Variants in SLC25A40 observed in about 807,000 individuals in gnomAD.
The protein encoded by SLC25A40 is mitochondrial glutathione transporter SLC25A40.
In SLC25A40, 41 loss-of-function variants were observed where a neutral mutation model predicts 46.5. The observed-to-expected ratio is 0.88, with a 90% CI of 0.69 to 1.14. The LOEUF (loss-of-function observed/expected upper bound fraction) is 1.14, where lower values mean the gene tolerates loss of function less well. Ranked by LOEUF, SLC25A40 falls within the 50% of genes most tolerant of loss-of-function variation. The pLI is 0.00. For synonymous variants in SLC25A40, 126 were observed against 127.5 expected (o/e 0.99, Z 0.08); for missense variants, 386 against 393.6 (o/e 0.98, Z 0.16).
At chr7:87,844,662 C>A (rs1351916059) in intron 8 of SLC25A40, among the ~76,000 whole-genome samples, 3 of 151,554 alleles carry the variant, frequency 2.0e-5, no homozygotes, top group Non-Finnish European at 2.9e-5. Flanking sequence ...TAAGACAAAG[C>A]AGAATTTATA....
chr7:87,843,728 T>C, intron 9 of SLC25A40, 26 bp downstream of exon 9: 1 of 1,511,560 alleles, frequency 6.6e-7, no homozygotes, highest in Non-Finnish European at 9.2e-7. Flanking sequence ...TCTTCTGGAA[T>C]ATTAACAACA....
intron 2 of SLC25A40, among the ~76,000 whole-genome samples, chr7:87,859,083 C>T (rs1838657714): frequency 6.6e-6 from 1 of 151,998 alleles, no homozygotes; most frequent in South Asian, 2.1e-4. Context: ...ATGAGAAAAG[C>T]AACATAAAAA....
chr7:87,841,803 A>T, intron 9 of SLC25A40, 89 bp from the exon 10 acceptor site: 1 of 672,312 alleles, frequency 1.5e-6, no homozygotes, highest in Non-Finnish European at 2.2e-6. Flanking sequence ...ATATTATTTA[A>T]GGATAATGAA....
chr7:87,868,635 AT>A (rs1838844371), intron 1 of SLC25A40, among the ~76,000 whole-genome samples: 1 of 152,196 alleles, frequency 6.6e-6, no homozygotes, highest in African/African-American at 2.4e-5. Flanking sequence ...TATAAATGAT[AT>A]CGCAAAGGGA....
At chr7:87,858,867 T>A in intron 2 of SLC25A40, 116 bp from the exon 3 acceptor site, 1 of 634,686 alleles carries the variant, frequency 1.6e-6, no homozygotes. Context: ...AAGAGAGAAT[T>A]AACCAAACAG....
At chr7:87,859,864 A>G (rs946602274) in intron 2 of SLC25A40, among the ~76,000 whole-genome samples, 2 of 152,124 alleles carry the variant, frequency 1.3e-5, no homozygotes, top group Admixed American at 1.3e-4. Flanking sequence ...CAATTACTGT[A>G]GGAAAGATAG....
chr7:87,871,834 C>A (rs368002256), intron 1 of SLC25A40, among the ~76,000 whole-genome samples: 1 of 152,164 alleles, frequency 6.6e-6, no homozygotes, highest in Non-Finnish European at 1.5e-5. Context: ...GCTATCCAGA[C>A]CTGGAGTTTT....
At chr7:87,874,297 A>C (rs549972147) in intron 1 of SLC25A40, among the ~76,000 whole-genome samples, 1 of 152,286 alleles carries the variant, frequency 6.6e-6, no homozygotes, top group African/African-American at 2.4e-5. Flanking sequence ...TTCATCTTTC[A>C]CAAGACCATA....
chr7:87,836,219 T>TA lies in SLC25A40; in HGVS notation c.*29dup. On this transcript the variant is annotated 3_prime_UTR_variant, in exon 12 of 12. Coordinates refer to ENST00000341119, the MANE Select transcript of SLC25A40 (RefSeq NM_018843.4). ...TAAGAGTCTCCATCTTCTTTGGCTA[T>TA]AGTTGTTGTTTCAAGTTGAAACAGC... The TA allele has an allele frequency of 1.5e-6, 2 of 1,338,448 alleles. No individual in the cohort carries two copies. The highest frequency in any genetic ancestry group is 2.0e-5 in the Admixed American group (1 of 49,938). 82.9% of individuals were successfully genotyped at this position (1,338,448 alleles called of 1,614,324 possible). A position where few individuals can be genotyped will look rare whatever the true frequency, so the allele number is the denominator to read the frequency against.
Position 87,834,230 on chromosome 7 carries a change from C to T in SLC25A40, c.*2019G>A, listed in dbSNP as rs1838229737. 1 of 151,594 alleles carries T rather than the reference C, an allele frequency of 6.6e-6. No homozygotes were observed. The highest frequency in any genetic ancestry group is 1.5e-5 in the Non-Finnish European group (1 of 67,782). 9.4% of individuals were successfully genotyped at this position (151,594 alleles called of 1,614,324 possible). The stretch of plus-strand genomic sequence containing the variant: ...GTAAAACCTGGGAATATTCATCATG[C>T]CAATTATAGTTCAATTATTTTATCA... On this transcript the variant is annotated 3_prime_UTR_variant, in exon 12 of 12. Transcript: ENST00000341119.
Position 87,841,661 on chromosome 7 carries a change from T to C in SLC25A40, c.795A>G (p.Thr265=). 1 of 1,528,502 alleles carries C rather than the reference T, an allele frequency of 6.5e-7. No individual in the cohort carries two copies. Among genetic ancestry groups the C allele is most frequent in the Non-Finnish European group, 8.8e-7 (1 of 1,136,820 alleles). The allele number at this position is 1,528,502 out of a possible 1,614,324, so 94.7% of individuals were successfully genotyped here. The part of the protein sequence containing the change: ...PFDVVKTQKQ[T]QLWTYESHKI... ...TATGACTTTCATATGTCCAAAGTTG[T>C]GTCTGCTTTTGTGTTTTTACTACAT... The change falls in exon 10 of 12, where the codon ACA becomes ACG. Residue 265 remains threonine (T), a synonymous_variant. Transcript: ENST00000341119.
intron 1 of SLC25A40, among the ~76,000 whole-genome samples, chr7:87,871,517 G>A (rs1298963941): frequency 6.6e-6 from 1 of 152,128 alleles, no homozygotes; most frequent in African/African-American, 2.4e-5. Context: ...AGATAATAAA[G>A]ATTAGTTATT....
Position 87,852,041 on chromosome 7 carries a change from A to T in SLC25A40, c.265-2093T>A, listed in dbSNP as rs572982094. Among the ~76,000 whole-genome samples the T allele has an allele frequency of 1.6e-4, 24 of 152,362 alleles. No homozygotes were observed. In the South Asian group the frequency reaches 5.0e-3, roughly 32 times the overall value. On this transcript the variant is annotated intron_variant, in intron 5 of 11. Coordinates refer to ENST00000341119, the MANE Select transcript of SLC25A40 (RefSeq NM_018843.4). ...AAAACTGACAGAGTGAAATTAAAAC[A>T]TGACTCAATTTTATGCTGTCTAAAA...
intron 1 of SLC25A40, among the ~76,000 whole-genome samples, chr7:87,860,987 GGTT>G (rs1376257316): frequency 3.3e-5 from 5 of 152,150 alleles, no homozygotes; most frequent in Non-Finnish European, 7.4e-5. Flanking sequence ...CATCTATGAC[GGTT>G]GTTTTTTTTG....
intron 1 of SLC25A40, among the ~76,000 whole-genome samples, chr7:87,868,649 G>A (rs566103944): frequency 3.7e-4 from 56 of 152,294 alleles, no homozygotes; most frequent in African/African-American, 1.3e-3. Flanking sequence ...CAAAGGGAAC[G>A]GGTGAAGAAA....
intron 1 of SLC25A40, among the ~76,000 whole-genome samples, chr7:87,867,409 CAAATG>C (rs1838821188): frequency 6.6e-6 from 1 of 152,108 alleles, no homozygotes; most frequent in Admixed American, 6.5e-5. Context: ...TTTTAGTTGA[CAAATG>C]TATTGCTGAG....
chr7:87,840,557 CCTA>C (rs2130996088), intron 10 of SLC25A40, among the ~76,000 whole-genome samples: 1 of 151,696 alleles, frequency 6.6e-6, no homozygotes, highest in South Asian at 2.1e-4. Flanking sequence ...TTGGTGAAAT[CCTA>C]CTATGTTAAA....
chr7:87,873,221 G>A (rs79599224), intron 1 of SLC25A40, among the ~76,000 whole-genome samples: 146 of 152,098 alleles, frequency 9.6e-4, no homozygotes, highest in African/African-American at 3.4e-3. Flanking sequence ...GCCAGGTGAA[G>A]AGGCTTAGGC....
intron 1 of SLC25A40, among the ~76,000 whole-genome samples, chr7:87,869,693 TC>T (rs2131023860): frequency 6.6e-6 from 1 of 152,310 alleles, no homozygotes; most frequent in East Asian, 1.9e-4. Flanking sequence ...TGAATACTAT[TC>T]CATTACATAA....
Sources: allele counts gnomAD v4.1 joint callset (sites outside exome capture counted in the v4.1 genomes callset), GRCh38; gene constraint gnomAD v4.1.1; transcripts MANE v1.5; gene names NCBI Gene and HGNC (gene_info 2026-07-23, HGNC 2026-07-21).